CSMD1: variants seen among roughly 807,000 people sequenced by gnomAD.
CSMD1 encodes CUB and sushi domain-containing protein 1.
A neutral mutation model predicts 417.5 loss-of-function variants in CSMD1; 213 were observed. The observed-to-expected ratio is 0.51, with a 90% confidence interval of 0.46 to 0.57. CSMD1 has a LOEUF of 0.57. Ranked by LOEUF, CSMD1 falls within the 20% of genes least tolerant of loss-of-function variation. The pLI is 0.00. For missense variants in CSMD1, 6,923 were observed against 4,529.7 expected, an observed-to-expected ratio of 1.53 and a Z score of -15.17; for synonymous variants, 2,862 against 1,736.8, an observed-to-expected ratio of 1.65 and a Z score of -16.11.
intron 1 of CSMD1, among the ~76,000 whole-genome samples, chr8:4,885,644 T>C (rs961035213): frequency 4.6e-5 from 7 of 151,872 alleles, no homozygotes; most frequent in Non-Finnish European, 2.9e-5. Flanking sequence ...GATTTTCAGG[T>C]GTTGAATCAA....
intron 2 of CSMD1, among the ~76,000 whole-genome samples, chr8:4,436,864 C>G (rs1798177893): frequency 6.6e-6 from 1 of 152,120 alleles, no homozygotes; most frequent in South Asian, 2.1e-4. Flanking sequence ...CTTTTTGTGG[C>G]TGAAGAGTAC....
At chr8:4,771,347 A>G (rs1796586949) in intron 1 of CSMD1, among the ~76,000 whole-genome samples, 1 of 152,252 alleles carries the variant, frequency 6.6e-6, no homozygotes, top group African/African-American at 2.4e-5. Context: ...TCGATTAAAA[A>G]GAACACCAGG....
intron 9 of CSMD1, among the ~76,000 whole-genome samples, chr8:3,581,022 C>A (rs1377522806): frequency 1.3e-5 from 2 of 152,156 alleles, no homozygotes; most frequent in Admixed American, 6.5e-5. Flanking sequence ...ACCACAGTTA[C>A]AACTGGCAAT....
chr8:3,697,891 G>A (rs949754293), intron 7 of CSMD1, among the ~76,000 whole-genome samples: 3 of 151,814 alleles, frequency 2.0e-5, no homozygotes, highest in South Asian at 2.1e-4. Flanking sequence ...TAGCCATTAC[G>A]CAAAGTGAGT....
At chr8:4,368,108 C>G (rs577013515) in intron 3 of CSMD1, among the ~76,000 whole-genome samples, 3 of 152,204 alleles carry the variant, frequency 2.0e-5, no homozygotes, top group South Asian at 4.1e-4. Context: ...GGGAGTGCTT[C>G]TAGCTTTTTC....
At chr8:3,909,496 C>T (rs1808318220) in intron 5 of CSMD1, among the ~76,000 whole-genome samples, 1 of 152,108 alleles carries the variant, frequency 6.6e-6, no homozygotes, top group Non-Finnish European at 1.5e-5. Context: ...AGAGAGCTTT[C>T]TCCCAGAAGC....
chr8:4,842,309 T>C (rs2116785162), intron 1 of CSMD1, among the ~76,000 whole-genome samples: 1 of 152,270 alleles, frequency 6.6e-6, no homozygotes, highest in South Asian at 2.1e-4. Context: ...ATTGGAAAAA[T>C]TATTTACCAG....
intron 1 of CSMD1, among the ~76,000 whole-genome samples, chr8:4,845,638 G>C (rs902557634): frequency 6.6e-6 from 1 of 152,194 alleles, no homozygotes; most frequent in Non-Finnish European, 1.5e-5. Flanking sequence ...TTTGCATTCA[G>C]TGTTGAAGAA....
At chr8:3,712,741 G>A (rs1801598774) in intron 6 of CSMD1, among the ~76,000 whole-genome samples, 1 of 152,098 alleles carries the variant, frequency 6.6e-6, no homozygotes. Context: ...TAACTTCAAT[G>A]CACGCCAAAG....
intron 26 of CSMD1, among the ~76,000 whole-genome samples, chr8:3,245,839 G>C (rs1198757792): frequency 6.6e-6 from 1 of 152,138 alleles, no homozygotes; most frequent in Admixed American, 6.5e-5. Flanking sequence ...AGTCTGTAAT[G>C]ACTTTTATCT....
At chr8:4,578,966 T>C (rs905380841) in intron 2 of CSMD1, among the ~76,000 whole-genome samples, 1 of 152,058 alleles carries the variant, frequency 6.6e-6, no homozygotes, top group African/African-American at 2.4e-5. Flanking sequence ...TGATTAACCT[T>C]TTTAAACAGC....
At chr8:4,329,685 A>G (rs890767051) in intron 3 of CSMD1, among the ~76,000 whole-genome samples, 1 of 152,116 alleles carries the variant, frequency 6.6e-6, no homozygotes, top group Admixed American at 6.5e-5. Context: ...TCATGTTGAG[A>G]TGTGATACCC....
intron 2 of CSMD1, among the ~76,000 whole-genome samples, chr8:4,630,359 A>G (rs1055623873): frequency 2.0e-5 from 3 of 152,106 alleles, no homozygotes; most frequent in Non-Finnish European, 4.4e-5. Flanking sequence ...AGGGAAGGAG[A>G]GAATTAGGTA....
At chr8:3,991,545 C>T (rs572073950) in intron 5 of CSMD1, among the ~76,000 whole-genome samples, 7 of 152,224 alleles carry the variant, frequency 4.6e-5, no homozygotes, top group East Asian at 1.9e-4. Flanking sequence ...ACATTACTGT[C>T]TAGTGAATAA....
chr8:4,961,135 ACTT>A (rs1214917962), intron 1 of CSMD1, among the ~76,000 whole-genome samples: 1 of 152,216 alleles, frequency 6.6e-6, no homozygotes, highest in Non-Finnish European at 1.5e-5. Context: ...ACTATGATTA[ACTT>A]CTTACCTTGA....
Position 3,917,383 on chromosome 8 carries a change from C to G in CSMD1, c.818+80520G>C, listed in dbSNP as rs922094081. Among the ~76,000 whole-genome samples, 3 of 150,760 alleles carry G rather than the reference C, an allele frequency of 2.0e-5. 1 individual carries two copies. The highest frequency in any genetic ancestry group is 4.4e-5 in the Non-Finnish European group (3 of 67,882). ...TTTGACACTTCACCGCACTGCTTCC[C>G]TCTACAGGAGTTTGGGTTTGGTTAT... On this transcript the variant is annotated intron_variant, in intron 5 of 69. Coordinates refer to ENST00000635120, the MANE Select transcript of CSMD1 (RefSeq NM_033225.6).
chr8:4,345,240 T>C (rs1234698540), intron 3 of CSMD1, among the ~76,000 whole-genome samples: 1 of 152,016 alleles, frequency 6.6e-6, no homozygotes, highest in Non-Finnish European at 1.5e-5. Context: ...GGTTTGGAGG[T>C]GAAATGGACA....
rs557017190 is a variant in CSMD1 at position 3,667,319 on chromosome 8, G to C, written c.1009+41095C>G. On this transcript the variant is annotated intron_variant, in intron 7 of 69. Coordinates refer to ENST00000635120, the MANE Select transcript of CSMD1 (RefSeq NM_033225.6). Reference sequence around the variant, plus strand: ...AAAAATAAGGAAAGATAAAAAGAGAGTGAAGGGGTGGCAGGTGTCCCCTTG... The same window carrying C: ...AAAAATAAGGAAAGATAAAAAGAGACTGAAGGGGTGGCAGGTGTCCCCTTG... Among the ~76,000 whole-genome samples, 6 of 152,254 alleles carry C rather than the reference G, an allele frequency of 3.9e-5. No individual in the cohort carries two copies. The South Asian group carries it at 1.2e-3, about 32-fold the overall frequency.
At chr8:3,307,251 C>T (rs57311731) in intron 25 of CSMD1, among the ~76,000 whole-genome samples, 2,750 of 152,192 alleles carry the variant, frequency 0.018, 87 homozygotes, top group African/African-American at 0.062. Flanking sequence ...ACCCTCCCAC[C>T]GTGACTAGCC....
Sources: allele counts gnomAD v4.1 joint callset (sites outside exome capture counted in the v4.1 genomes callset), GRCh38; gene constraint gnomAD v4.1.1; transcripts MANE v1.5; gene names NCBI Gene and HGNC (gene_info 2026-07-23, HGNC 2026-07-21).